The following CNTNAP4 variants were observed in gnomAD, a reference collection of about 807,000 sequenced individuals.
CNTNAP4 encodes contactin associated protein family member 4.
A neutral mutation model predicts 148.4 loss-of-function variants in CNTNAP4; 98 were observed. The observed-to-expected ratio is 0.66, with a 90% CI of 0.56 to 0.78. CNTNAP4 has a LOEUF of 0.78. CNTNAP4 is among the 30% of genes least tolerant of loss of function. The probability of loss-of-function intolerance (pLI) is 0.00; values close to 1 mark genes in which losing one functional copy is unlikely to be tolerated. For missense variants in CNTNAP4, 1,935 were observed against 1,565.6 expected (o/e 1.24, Z -3.98); for synonymous variants, 730 against 565.1 (o/e 1.29, Z -4.14).
intron 4 of CNTNAP4, among the ~76,000 whole-genome samples, chr16:76,447,597 T>C (rs2080296699): frequency 6.6e-6 from 1 of 152,098 alleles, no homozygotes; most frequent in African/African-American, 2.4e-5. Context: ...GTAGAGACAA[T>C]ATGCATTCAG....
intron 2 of CNTNAP4, among the ~76,000 whole-genome samples, chr16:76,348,394 G>T (rs778112202): frequency 6.6e-6 from 1 of 152,024 alleles, no homozygotes; most frequent in African/African-American, 2.4e-5. Flanking sequence ...TTTTTGACAC[G>T]TGGGTAATGC....
In CNTNAP4 at chr16:76,522,151, G is replaced by C; in HGVS notation, c.2649G>C (p.Arg883Ser). ...DNQWHHVRVE[R>S]NMKEASLQVD... The stretch of plus-strand genomic sequence containing the variant: ...AGTGGCACCATGTGAGGGTTGAAAG[G>C]AACATGAAGGAGGCCTCCCTTCAAG... The change falls in exon 17 of 24, where the codon AGG becomes AGC. Residue 883 changes from arginine (R) to serine (S), a missense_variant. Arg to Ser is a moderately radical substitution (Grantham distance 110). Coordinates refer to ENST00000611870, the MANE Select transcript of CNTNAP4 (RefSeq NM_033401.5). 6.2e-7 allele frequency: 1 copy of C among 1,613,946 alleles called. No individual in the cohort carries two copies. The highest frequency in any genetic ancestry group is 1.1e-5 in the South Asian group (1 of 91,080).
At chr16:76,453,086 A>G (rs753659768) in intron 8 of CNTNAP4, among the ~76,000 whole-genome samples, 89 of 152,318 alleles carry the variant, frequency 5.8e-4, no homozygotes, top group Non-Finnish European at 1.0e-3. Flanking sequence ...AAGACCTTGA[A>G]ATAGGCCAAC....
chr16:76,462,587 A>G (rs953901215), intron 9 of CNTNAP4, among the ~76,000 whole-genome samples: 1 of 152,194 alleles, frequency 6.6e-6, no homozygotes, highest in African/African-American at 2.4e-5. Context: ...AGCATAATGC[A>G]CTGATACATT....
chr16:76,467,261 G>A (rs1192537237), intron 9 of CNTNAP4, 91 bp from the exon 10 acceptor site: 3 of 1,083,424 alleles, frequency 2.8e-6, no homozygotes, highest in Non-Finnish European at 1.4e-6. Context: ...ATAATCATAT[G>A]CCTCTTTCTT....
Position 76,467,588 on chromosome 16 carries a change from A to G in CNTNAP4, c.1655+65A>G, listed in dbSNP as rs1301539325. ...TTTGGCATCAGATTAAAATTTATGT[A>G]TAAGATGAACAATTATTCTTTCCTC... On this transcript the variant is annotated intron_variant, in intron 10 of 23. Transcript: ENST00000611870. 1.2e-5 allele frequency: 15 copies of G among 1,290,124 alleles called. No homozygotes were observed. In the East Asian group the frequency reaches 3.4e-4, roughly 29 times the overall value. 79.9% of individuals were successfully genotyped at this position (1,290,124 alleles called of 1,614,324 possible).
chr16:76,535,433 T>G, intron 17 of CNTNAP4, 112 bp from the exon 18 acceptor site: 1 of 1,072,506 alleles, frequency 9.3e-7, no homozygotes, highest in South Asian at 1.7e-5. Flanking sequence ...AAAATTATAT[T>G]TGCTCATCCA....
At chr16:76,517,102 A>G (rs556256437) in intron 15 of CNTNAP4, among the ~76,000 whole-genome samples, 15 of 152,316 alleles carry the variant, frequency 9.8e-5, no homozygotes, top group Admixed American at 9.8e-4. Context: ...AAAGTAAGCC[A>G]GTCTCAAAAG....
chr16:76,450,642 T>A (rs544528936), intron 7 of CNTNAP4, among the ~76,000 whole-genome samples: 1 of 152,348 alleles, frequency 6.6e-6, no homozygotes, highest in East Asian at 1.9e-4. Flanking sequence ...GTAGGAAATC[T>A]GCACCAAGAG....
intron 3 of CNTNAP4, among the ~76,000 whole-genome samples, chr16:76,394,006 A>G (rs892184032): frequency 6.6e-6 from 1 of 152,192 alleles, no homozygotes; most frequent in Non-Finnish European, 1.5e-5. Context: ...TCCTTTGGAT[A>G]TGTGTCTTCA....
intron 3 of CNTNAP4, among the ~76,000 whole-genome samples, chr16:76,414,264 T>C (rs564339100): frequency 6.6e-6 from 1 of 151,532 alleles, no homozygotes; most frequent in Admixed American, 6.6e-5. Context: ...TTACATTTTA[T>C]GAAATGCTTT....
chr16:76,301,423 G>C (rs911683482), intron 1 of CNTNAP4, among the ~76,000 whole-genome samples: 2 of 152,090 alleles, frequency 1.3e-5, no homozygotes, highest in African/African-American at 2.4e-5. Flanking sequence ...ATTGAAACAG[G>C]TGTTTTCTAT....
At chr16:76,435,164 C>T (rs1006210521) in intron 4 of CNTNAP4, among the ~76,000 whole-genome samples, 1 of 152,150 alleles carries the variant, frequency 6.6e-6, no homozygotes, top group Admixed American at 6.5e-5. Context: ...GGTTCTGGGT[C>T]TGTAAACTGG....
intron 17 of CNTNAP4, among the ~76,000 whole-genome samples, chr16:76,526,992 G>C (rs538031224): frequency 6.6e-6 from 1 of 152,206 alleles, no homozygotes; most frequent in Admixed American, 6.5e-5. Context: ...ATTTCACTTG[G>C]AGTTAGCTTT....
chr16:76,409,728 C>A (rs1035559736), intron 3 of CNTNAP4, among the ~76,000 whole-genome samples: 2 of 152,030 alleles, frequency 1.3e-5, no homozygotes, highest in East Asian at 3.9e-4. Context: ...GGCTTTATTT[C>A]CCAAATGGAA....
intron 3 of CNTNAP4, among the ~76,000 whole-genome samples, chr16:76,381,856 C>T (rs1054936217): frequency 3.3e-5 from 5 of 151,898 alleles, no homozygotes; most frequent in Non-Finnish European, 5.9e-5. Context: ...ATCAGGAGAT[C>T]GAGACCATCC....
chr16:76,293,142 C>G (rs1366918579), intron 1 of CNTNAP4, among the ~76,000 whole-genome samples: 2 of 141,712 alleles, frequency 1.4e-5, no homozygotes, highest in Non-Finnish European at 3.1e-5. Flanking sequence ...TTTTTTTTTT[C>G]TTTTCCGGAG....
intron 1 of CNTNAP4, among the ~76,000 whole-genome samples, chr16:76,283,193 C>T (rs1958754535): frequency 1.3e-5 from 2 of 151,784 alleles, no homozygotes; most frequent in African/African-American, 2.4e-5. Context: ...CTACAAATAC[C>T]GATTTTTCTT....
chr16:76,501,436 C>G (rs560811701), intron 15 of CNTNAP4, among the ~76,000 whole-genome samples: 2 of 152,330 alleles, frequency 1.3e-5, no homozygotes, highest in East Asian at 3.9e-4. Context: ...TACCAACTCT[C>G]TCCCTTAGAC....
Sources: gnomAD v4.1 joint callset for allele counts (sites outside exome capture counted in the v4.1 genomes callset) on GRCh38, gnomAD v4.1.1 for gene constraint, MANE v1.5 for transcripts, NCBI Gene and HGNC (gene_info 2026-07-23, HGNC 2026-07-21) for gene names.